LTBP2: variants seen among roughly 807,000 people sequenced by gnomAD.
The protein encoded by LTBP2 is latent-transforming growth factor beta-binding protein 2.
Under a neutral mutation model 210.6 loss-of-function variants are expected in LTBP2, and 103 were observed. The ratio of observed to expected loss-of-function variants is 0.49; its 90% confidence interval spans 0.42 to 0.58. The LOEUF (loss-of-function observed/expected upper bound fraction) is 0.58, where lower values mean the gene tolerates loss of function less well. Ranked by LOEUF, LTBP2 falls within the 20% of genes least tolerant of loss-of-function variation. The pLI is 0.00. For synonymous variants in LTBP2, 1,007 were observed against 1,015.0 expected, an observed-to-expected ratio of 0.99 and a Z score of 0.15; for missense variants, 2,313 against 2,494.5, an observed-to-expected ratio of 0.93 and a Z score of 1.55.
In LTBP2 at chr14:74,551,162, G is replaced by A. The variant is rs768169943; in HGVS notation, c.1588C>T (p.Pro530Ser). The A allele has an allele frequency of 5.6e-6, 9 of 1,613,826 alleles. No individual in the cohort carries two copies. In the Admixed American group the frequency reaches 1.3e-4, roughly 24 times the overall value. ...CGAGGGGGCTCTCCAGACCGAGCAG[G>A]GATGTTGTTGCTGTCCCAGAGGCTG... ...GHSLWDSNNI[P>S]ARSGEPPRPL... The change falls in exon 7 of 36, where the codon CCT becomes TCT. Residue 530 changes from proline (P) to serine (S), a missense_variant. This residue lies in a region of LTBP2 where 1,867 missense variants were observed against 1,976.9 expected (regional missense o/e 0.94). Coordinates refer to ENST00000261978, the MANE Select transcript of LTBP2 (RefSeq NM_000428.3).
At chr14:74,511,449 C>T (rs1205025695) in intron 18 of LTBP2, 85 bp from the exon 19 acceptor site, 1 of 1,569,428 alleles carries the variant, frequency 6.4e-7, no homozygotes, top group Non-Finnish European at 8.8e-7. Context: ...CTTGTCCCTG[C>T]CTTTGGTTGG....
At position 74,521,928 on chromosome 14, in the gene LTBP2, G is replaced by A. The variant is rs142675579; in HGVS notation, c.2771C>T (p.Ala924Val). 2.0e-4 allele frequency: 320 copies of A among 1,614,134 alleles called. No homozygotes were observed. In the African/African-American group the frequency reaches 2.3e-3, roughly 11 times the overall value. ...YPGYTLATSG[A>V]TQECQDINEC... ...TGGCTTACCTTGACACTCCTGTGTC[G>A]CCCCTGAGGTGGCCAGAGTGTAGCC... is the stretch of plus-strand genomic sequence containing the variant. The change falls in exon 17 of 36, where the codon GCG (alanine) becomes GTG (valine). Residue 924 changes from alanine (A) to valine (V), a missense_variant. Physicochemically the swap from Ala to Val is moderately conservative, Grantham distance 64. Around this residue, in one of 3 missense-constraint regions of LTBP2, gnomAD observed 1,867 missense variants for 1,976.9 expected, o/e 0.94. Coordinates refer to ENST00000261978, the MANE Select transcript of LTBP2 (RefSeq NM_000428.3).
intron 2 of LTBP2, among the ~76,000 whole-genome samples, chr14:74,601,895 A>T (rs1233464668): frequency 1.3e-5 from 2 of 151,976 alleles, no homozygotes; most frequent in Non-Finnish European, 2.9e-5. Flanking sequence ...TGGTCCTTGA[A>T]GGAAGGGAGC....
At chr14:74,593,286 C>T (rs2088308121) in intron 2 of LTBP2, among the ~76,000 whole-genome samples, 1 of 152,140 alleles carries the variant, frequency 6.6e-6, no homozygotes, top group Non-Finnish European at 1.5e-5. Flanking sequence ...CAGGCTGCTC[C>T]TACCATCTGC....
At chr14:74,598,428 C>G (rs144079802) in intron 2 of LTBP2, among the ~76,000 whole-genome samples, 46 of 152,328 alleles carry the variant, frequency 3.0e-4, no homozygotes, top group African/African-American at 1.1e-3. Flanking sequence ...ACTTGGGCAA[C>G]AGAAAGGGCT....
intron 23 of LTBP2, 42 bp from the exon 24 acceptor site, chr14:74,508,771 G>A (rs776264119): frequency 6.8e-6 from 11 of 1,613,284 alleles, no homozygotes; most frequent in Non-Finnish European, 8.5e-6. Flanking sequence ...CTGGGGATGT[G>A]CCTGCCTCCC....
At position 74,500,755 on chromosome 14, in the gene LTBP2, A is replaced by G. The variant is rs1595234617; in HGVS notation, c.*129T>C. The G allele has an allele frequency of 1.6e-6, 2 of 1,277,732 alleles. No homozygotes were observed. Among genetic ancestry groups the G allele is most frequent in the Middle Eastern group, 5.2e-4 (2 of 3,840 alleles). 79.1% of individuals were successfully genotyped at this position (1,277,732 alleles called of 1,614,324 possible). A position where few individuals can be genotyped will look rare whatever the true frequency, so the allele number is the denominator to read the frequency against. On this transcript the variant is annotated 3_prime_UTR_variant, in exon 36 of 36. Transcript: ENST00000261978. The stretch of plus-strand genomic sequence containing the variant: ...CAGAGGCTAAGCTGGGAGAGATGAA[A>G]GCAGGCAAGGCTGATTGGAAACCTC...
chr14:74,565,413 C>A (rs1430017984), intron 3 of LTBP2, among the ~76,000 whole-genome samples: 1 of 152,140 alleles, frequency 6.6e-6, no homozygotes, highest in East Asian at 1.9e-4. Context: ...GAGCTGGAGG[C>A]CAGCTGGAAG....
intron 13 of LTBP2, 72 bp downstream of exon 13, chr14:74,527,274 TG>T: frequency 1.3e-6 from 2 of 1,555,842 alleles, no homozygotes; most frequent in Non-Finnish European, 8.8e-7. Context: ...GACACTGCCC[TG>T]GGGCCTGAGC....
chr14:74,516,866 T>C lies in LTBP2; in HGVS notation c.2864A>G (p.Glu955Gly), dbSNP rs1416645632. 6.4e-7 allele frequency: 1 copy of C among 1,551,928 alleles called. No homozygotes were observed. The highest frequency in any genetic ancestry group is 1.4e-5 in the African/African-American group (1 of 73,158). The stretch of plus-strand genomic sequence containing the variant: ...GACCATGATGTAGCCCTGATCACAC[T>C]CGCAGTGGTACGAGCCCTCGGTGTT... ...CTNTEGSYHC[E>G]CDQGYIMVRK... Residue 955 changes from glutamate to glycine, a missense_variant, in exon 18 of 36, where the codon GAG (glutamate) becomes GGG (glycine). Coordinates refer to ENST00000261978, the MANE Select transcript of LTBP2 (RefSeq NM_000428.3).
rs139052892 is a variant in LTBP2 at position 74,585,880 on chromosome 14, C to A, written c.804G>T (p.Pro268=). The A allele has an allele frequency of 1.1e-5, 17 of 1,613,190 alleles. No homozygotes were observed. Among genetic ancestry groups the A allele is most frequent in the Middle Eastern group, 1.6e-4 (1 of 6,072 alleles). Residue 268 remains proline (P), a synonymous_variant, in exon 3 of 36, where the codon CCG becomes CCT. Transcript: ENST00000261978. Reference sequence around the variant, plus strand: ...CAGCTGGTGGCGACTGTGGTGCGGGCGGCGACTGTGGTGCTGGCGGCTGTG... The same window carrying A: ...CAGCTGGTGGCGACTGTGGTGCGGGAGGCGACTGTGGTGCTGGCGGCTGTG... ...ARAQPPAPQS[P]PAPQSPPAGT...
At chr14:74,566,322 A>C (rs961602902) in intron 3 of LTBP2, among the ~76,000 whole-genome samples, 3 of 152,238 alleles carry the variant, frequency 2.0e-5, no homozygotes, top group African/African-American at 7.2e-5. Flanking sequence ...GGCATCTGGA[A>C]GGGAGCAGCC....
chr14:74,550,980 A>T, intron 7 of LTBP2, 84 bp downstream of exon 7: 1 of 1,516,038 alleles, frequency 6.6e-7, no homozygotes, highest in Non-Finnish European at 9.1e-7. Flanking sequence ...AAGAACAAAG[A>T]GGACAGAGAG....
At chr14:74,509,403 T>C in intron 21 of LTBP2, 40 bp from the exon 22 acceptor site, 2 of 1,611,416 alleles carry the variant, frequency 1.2e-6, no homozygotes, top group Non-Finnish European at 1.7e-6. Context: ...CTAGGAGGGC[T>C]CCCACTCCCC....
At chr14:74,541,489 C>T (rs969662257) in intron 8 of LTBP2, among the ~76,000 whole-genome samples, 12 of 152,166 alleles carry the variant, frequency 7.9e-5, no homozygotes, top group African/African-American at 2.9e-4. Context: ...AATTGAGGTT[C>T]ATCCATAAAA....
chr14:74,503,125 T>A lies in LTBP2; in HGVS notation c.4888+94A>T, dbSNP rs946660117. 1.9e-6 allele frequency: 3 copies of A among 1,565,024 alleles called. No homozygotes were observed. The South Asian group carries it at 3.4e-5, about 18-fold the overall frequency. ...ATGGAAGACAGGGCCTTTGCTCTGCTCCTTCTTTCTAGATCCCCAGTTCCA... is the reference window on the plus strand; with the variant it reads ...ATGGAAGACAGGGCCTTTGCTCTGCACCTTCTTTCTAGATCCCCAGTTCCA... On this transcript the variant is annotated intron_variant, in intron 33 of 35. Coordinates refer to ENST00000261978, the MANE Select transcript of LTBP2 (RefSeq NM_000428.3).
At position 74,552,277 on chromosome 14, in the gene LTBP2, C is replaced by T. The variant is rs140778060; in HGVS notation, c.1309G>A (p.Glu437Lys). The T allele has an allele frequency of 1.6e-4, 260 of 1,613,364 alleles. 1 individual carries two copies. The African/African-American group carries it at 3.1e-3, about 19-fold the overall frequency. The change falls in exon 6 of 36, where the codon GAG becomes AAG. Residue 437 changes from glutamate (E) to lysine (K), a missense_variant. Coordinates refer to ENST00000261978, the MANE Select transcript of LTBP2 (RefSeq NM_000428.3). Reference protein sequence around the residue: ...CHLPIPQPDREPPGRGSRPRA... With the variant: ...CHLPIPQPDRKPPGRGSRPRA... ...GGGCGGGACCCCCTCCCTGGAGGCT[C>T]CCTGTCCGGCTGCGGGATAGGCAGG...
intron 3 of LTBP2, among the ~76,000 whole-genome samples, chr14:74,556,539 C>A (rs1443733132): frequency 6.6e-6 from 1 of 152,200 alleles, no homozygotes; most frequent in South Asian, 2.1e-4. Context: ...TTTTTGAGAC[C>A]GAGTTTTGCT....
chr14:74,554,829 T>C (rs538189373), intron 4 of LTBP2, among the ~76,000 whole-genome samples: 8 of 152,024 alleles, frequency 5.3e-5, no homozygotes, highest in Non-Finnish European at 8.8e-5. Context: ...CACTTCAATT[T>C]TTAAAATGGA....
Sources: gnomAD v4.1 joint callset for allele counts (sites outside exome capture counted in the v4.1 genomes callset) on GRCh38, gnomAD v4.1.1 for gene constraint, gnomAD v4.1.1 regional missense constraint, MANE v1.5 for transcripts, NCBI Gene and HGNC (gene_info 2026-07-23, HGNC 2026-07-21) for gene names.